The following GCNT3 variants were observed in gnomAD, a reference collection of about 807,000 sequenced individuals.
GCNT3 encodes the protein glucosaminyl (N-acetyl) transferase 3, mucin type.
For missense variants in GCNT3, 708 were observed against 530.3 expected (o/e 1.34, Z -3.29); for synonymous variants, 269 against 195.2 (o/e 1.38, Z -3.15).
chr15:59,618,459 C>A lies in GCNT3; in HGVS notation c.221C>A (p.Thr74Asn). ...AGGTCTATCAACTGTTCAGGGGTCA[C>A]CCGAGGGGACCAAGAGGCAGTGCTT... ...AKRSINCSGVTRGDQEAVLQA... is the reference protein window; with the variant it reads ...AKRSINCSGVNRGDQEAVLQA... The change falls in exon 3 of 3, where the codon ACC (threonine) becomes AAC (asparagine). Residue 74 changes from threonine to asparagine, a missense_variant. Transcript: ENST00000396065. The A allele has an allele frequency of 6.2e-7, 1 of 1,614,012 alleles. No individual in the cohort carries two copies. The highest frequency in any genetic ancestry group is 1.6e-4 in the Middle Eastern group (1 of 6,062).
Position 59,619,294 on chromosome 15 carries a change from C to G in GCNT3, c.1056C>G (p.Tyr352Ter), listed in dbSNP as rs563231408. 9.3e-6 allele frequency: 15 copies of G among 1,614,104 alleles called. No individual in the cohort carries two copies. In the South Asian group the frequency reaches 1.6e-4, roughly 18 times the overall value. The change falls in exon 3 of 3, where the codon TAC (tyrosine) becomes TAG (stop). Residue 352 changes from tyrosine (Y) to a stop codon, truncating the protein, a stop_gained. Transcript: ENST00000396065. LOFTEE classifies it low-confidence loss of function (END_TRUNC). ...GCTCTGTTCCCAACCACCCCAAGTA[C>G]GACATCTCAGACATGACTTCTATTG... is the stretch of plus-strand genomic sequence containing the variant. ...MPGSVPNHPK[Y>*]DISDMTSIAR...
In GCNT3 at chr15:59,613,640, C is replaced by T. The variant is rs1022434079; in HGVS notation, c.-251+1659C>T. On this transcript the variant is annotated intron_variant, in intron 1 of 2. Coordinates refer to ENST00000396065, the MANE Select transcript of GCNT3 (RefSeq NM_004751.3). ...ACTCAGGAGGCTGAGGTAGGAGGAT[C>T]GCTTGAGCCCAGGAGGCAGAGGTTG... Among the ~76,000 whole-genome samples the T allele has an allele frequency of 9.2e-5, 14 of 152,194 alleles. No homozygotes were observed. In the East Asian group the frequency reaches 1.7e-3, roughly 19 times the overall value.
At position 59,618,509 on chromosome 15, in the gene GCNT3, G is replaced by A; in HGVS notation, c.271G>A (p.Val91Ile). The change falls in exon 3 of 3, where the codon GTC (valine) becomes ATC (isoleucine). Residue 91 changes from valine (V) to isoleucine (I), a missense_variant. Transcript: ENST00000396065. ...VLQAILNNLE[V>I]KKKREPFTDT... is the part of the protein sequence containing the mutation. ...TCAGGCTATTCTGAATAACCTGGAG[G>A]TCAAGAAGAAGCGAGAGCCTTTCAC... The A allele has an allele frequency of 1.2e-6, 2 of 1,614,148 alleles. No individual in the cohort carries two copies. Among genetic ancestry groups the A allele is most frequent in the Non-Finnish European group, 8.5e-7 (1 of 1,180,018 alleles).
intron 1 of GCNT3, among the ~76,000 whole-genome samples, chr15:59,612,866 A>G (rs2082702577): frequency 6.6e-6 from 1 of 152,082 alleles, no homozygotes; most frequent in African/African-American, 2.4e-5. Context: ...TGAGGGTGAC[A>G]ACTTACAATA....
chr15:59,613,476 A>AGATT (rs1278211865), intron 1 of GCNT3, among the ~76,000 whole-genome samples: 1 of 149,750 alleles, frequency 6.7e-6, no homozygotes, highest in Non-Finnish European at 1.5e-5. Flanking sequence ...TGAGGCGGGG[A>AGATT]GATTGCTTGA....
chr15:59,618,852 C>A lies in GCNT3; in HGVS notation c.614C>A (p.Ala205Asp). The change falls in exon 3 of 3, where the codon GCT becomes GAT. Residue 205 changes from alanine to aspartate, a missense_variant. Physicochemically the swap from Ala to Asp is moderately radical, Grantham distance 126. Transcript: ENST00000396065. ...TATGCCTCCTGGTCCAGGGTGCAAG[C>A]TGACCTCAACTGCATGGAAGACTTG... is the stretch of plus-strand genomic sequence containing the variant. ...VVYASWSRVQADLNCMEDLLQ... is the reference protein window; with the variant it reads ...VVYASWSRVQDDLNCMEDLLQ... 6.2e-7 allele frequency: 1 copy of A among 1,614,164 alleles called. No individual in the cohort carries two copies. Among genetic ancestry groups the A allele is most frequent in the Non-Finnish European group, 8.5e-7 (1 of 1,180,016 alleles).
chr15:59,618,339 A>G lies in GCNT3; in HGVS notation c.101A>G (p.Lys34Arg). The G allele has an allele frequency of 6.2e-7, 1 of 1,613,984 alleles. No homozygotes were observed. Among genetic ancestry groups the G allele is most frequent in the Non-Finnish European group, 8.5e-7 (1 of 1,179,888 alleles). Residue 34 changes from lysine (K) to arginine (R), a missense_variant, in exon 3 of 3, where the codon AAG (lysine) becomes AGG (arginine). By Grantham distance (26) the Lys-to-Arg change is conservative (BLOSUM62 2). Coordinates refer to ENST00000396065, the MANE Select transcript of GCNT3 (RefSeq NM_004751.3). ...GCTCTGAAACTTTCTTTCAGGTTGA[A>G]GTGTGACTCTGACCACTTGGGTCTG... ...TVALKLSFRL[K>R]CDSDHLGLES...
At chr15:59,612,612 G>C (rs1266581977) in intron 1 of GCNT3, among the ~76,000 whole-genome samples, 1 of 152,120 alleles carries the variant, frequency 6.6e-6, no homozygotes, top group Non-Finnish European at 1.5e-5. Flanking sequence ...AAATGTGCCC[G>C]GGATCCCAGG....
chr15:59,614,292 G>T (rs750775649), intron 1 of GCNT3, among the ~76,000 whole-genome samples: 2 of 152,302 alleles, frequency 1.3e-5, no homozygotes, highest in East Asian at 3.9e-4. Context: ...CAGGGCCCAC[G>T]TAGGGGTGCA....
At chr15:59,615,591 G>A (rs1204628903) in intron 1 of GCNT3, among the ~76,000 whole-genome samples, 5 of 151,814 alleles carry the variant, frequency 3.3e-5, no homozygotes, top group Admixed American at 6.6e-5. Flanking sequence ...TATTAAATTT[G>A]CCCTGTTCAG....
chr15:59,612,385 T>G lies in GCNT3; in HGVS notation c.-251+404T>G, dbSNP rs536283961. Among the ~76,000 whole-genome samples, 43 of 152,316 alleles carry G rather than the reference T, an allele frequency of 2.8e-4. No homozygotes were observed. In the East Asian group the frequency reaches 4.4e-3, roughly 16 times the overall value. ...TAGTCATTGTAGGAAAACTCAGGACTGGGTTGGACTTACTTATATTATGTT... is the reference window on the plus strand; with the variant it reads ...TAGTCATTGTAGGAAAACTCAGGACGGGGTTGGACTTACTTATATTATGTT... On this transcript the variant is annotated intron_variant, in intron 1 of 2. Transcript: ENST00000396065.
intron 1 of GCNT3, among the ~76,000 whole-genome samples, chr15:59,613,527 A>G (rs1277510335): frequency 6.9e-6 from 1 of 144,128 alleles, no homozygotes; most frequent in Non-Finnish European, 1.5e-5. Flanking sequence ...AGCAAACTCC[A>G]TCTCTACAAT....
rs2082743173 is a variant in GCNT3, at chr15:59,620,580, G to T, written c.*1025G>T. The T allele has an allele frequency of 6.0e-6, 1 of 166,998 alleles. No homozygotes were observed. Among genetic ancestry groups the T allele is most frequent in the Non-Finnish European group, 1.5e-5 (1 of 68,106 alleles). 10.3% of individuals were successfully genotyped at this position (166,998 alleles called of 1,614,324 possible). ...TTGTGATTTTTCTGTAAAGGAAAAG[G>T]CAGGGTGATTTAACCAGTTTGACCA... On this transcript the variant is annotated 3_prime_UTR_variant, in exon 3 of 3. Transcript: ENST00000396065.
intron 1 of GCNT3, among the ~76,000 whole-genome samples, chr15:59,614,731 G>A (rs1486642316): frequency 1.3e-5 from 2 of 152,004 alleles, no homozygotes; most frequent in African/African-American, 4.8e-5. Context: ...CTGTATCTTG[G>A]GCCTATCTCC....
intron 1 of GCNT3, chr15:59,615,150 G>A (rs1266687496): frequency 2.0e-5 from 3 of 152,198 alleles, no homozygotes; most frequent in African/African-American, 7.2e-5. Flanking sequence ...GGGCACTGGA[G>A]GGAGACAGCC....
chr15:59,613,614 T>C (rs1050026307), intron 1 of GCNT3, among the ~76,000 whole-genome samples: 12 of 152,068 alleles, frequency 7.9e-5, no homozygotes, highest in African/African-American at 2.2e-4. Flanking sequence ...TAATCTCAGC[T>C]ACTCAGGAGG....
chr15:59,613,718 C>G (rs1355330347), intron 1 of GCNT3, among the ~76,000 whole-genome samples: 2 of 151,912 alleles, frequency 1.3e-5, no homozygotes, highest in African/African-American at 2.4e-5. Context: ...ACAGCCAGAC[C>G]TTGTCTCAAA....
chr15:59,613,944 G>T (rs1379872952), intron 1 of GCNT3, among the ~76,000 whole-genome samples: 1 of 152,094 alleles, frequency 6.6e-6, no homozygotes, highest in African/African-American at 2.4e-5. Flanking sequence ...TTGAACCCAG[G>T]AGTTCGAGGC....
Position 59,619,843 on chromosome 15 carries a change from T to C in GCNT3, c.*288T>C, listed in dbSNP as rs976665880. ...ATAGGGAGAGTGAAGGAGGGATATG[T>C]GGTAGAGCACTTGATTTCAGTTGAA... On this transcript the variant is annotated 3_prime_UTR_variant, in exon 3 of 3. Coordinates refer to ENST00000396065, the MANE Select transcript of GCNT3 (RefSeq NM_004751.3). 20 of 273,134 alleles carry C rather than the reference T, an allele frequency of 7.3e-5. No homozygotes were observed. The highest frequency in any genetic ancestry group is 2.3e-4 in the East Asian group (3 of 12,876). 16.9% of individuals were successfully genotyped at this position (273,134 alleles called of 1,614,324 possible).
Sources: allele counts gnomAD v4.1 joint callset (sites outside exome capture counted in the v4.1 genomes callset), GRCh38; gene constraint gnomAD v4.1.1; transcripts MANE v1.5; gene names NCBI Gene and HGNC (gene_info 2026-07-23, HGNC 2026-07-21).